Variants in SAMD5 observed in about 807,000 individuals in gnomAD.
The protein encoded by SAMD5 is sterile alpha motif domain-containing protein 5.
SAMD5 carries 13 observed loss-of-function variants against 11.3 expected under a neutral mutation model. The observed-to-expected ratio is 1.15, with a 90% CI of 0.75 to 1.83. The LOEUF (loss-of-function observed/expected upper bound fraction) is 1.83. Ranked by LOEUF, SAMD5 falls within the 40% of genes most tolerant of loss-of-function variation. SAMD5 has a pLI of 0.00. For missense variants in SAMD5, 255 were observed against 239.1 expected (o/e 1.07, Z -0.44); for synonymous variants, 129 against 111.3 (o/e 1.16, Z -1.00).
intron 1 of SAMD5, among the ~76,000 whole-genome samples, chr6:147,563,417 A>G (rs1354300490): frequency 6.6e-6 from 1 of 152,238 alleles, no homozygotes; most frequent in African/African-American, 2.4e-5. Context: ...AAAACAAAGG[A>G]GAACAAAATT....
At chr6:147,654,813 A>G (rs1345484158) in intron 1 of SAMD5, among the ~76,000 whole-genome samples, 1 of 151,810 alleles carries the variant, frequency 6.6e-6, no homozygotes, top group African/African-American at 2.4e-5. Context: ...AGTGCAGGAA[A>G]CCCAAAATAC....
intron 1 of SAMD5, among the ~76,000 whole-genome samples, chr6:147,660,549 TTTGAA>T (rs1268196094): frequency 6.6e-6 from 1 of 152,192 alleles, no homozygotes; most frequent in African/African-American, 2.4e-5. Flanking sequence ...AAAATCTCAT[TTTGAA>T]TTGTAATCCC....
the SAMD5 span, among the ~76,000 whole-genome samples, chr6:147,799,159 A>G: frequency 1.3e-5 from 2 of 149,958 alleles, no homozygotes; most frequent in African/African-American, 4.9e-5. Context: ...GTTTCTTCCT[A>G]GTCTCGATGG....
chr6:147,681,236 A>AT (rs1790936218), intron 1 of SAMD5, among the ~76,000 whole-genome samples: 1 of 152,096 alleles, frequency 6.6e-6, no homozygotes, highest in Non-Finnish European at 1.5e-5. Context: ...AAAAAAATCA[A>AT]TTTTTGTCTC....
chr6:147,516,062 C>T (rs1631864), intron 1 of SAMD5, among the ~76,000 whole-genome samples: 1 of 151,898 alleles, frequency 6.6e-6, no homozygotes, highest in African/African-American at 2.4e-5. Context: ...GATTCTCAGG[C>T]TCATGCAAGT....
At chr6:147,509,420 C>T in intron 1 of SAMD5, 33 bp downstream of exon 1, 1 of 1,492,104 alleles carries the variant, frequency 6.7e-7, no homozygotes, top group South Asian at 1.3e-5. Context: ...GCCCGGGGCG[C>T]GCGGCGGGAG....
At chr6:147,596,903 A>G (rs1446355908) in intron 1 of SAMD5, among the ~76,000 whole-genome samples, 2 of 152,174 alleles carry the variant, frequency 1.3e-5, no homozygotes, top group Admixed American at 1.3e-4. Context: ...ATTTATTCAG[A>G]ACCTTCCCAT....
In SAMD5 at chr6:147,568,363, T is replaced by C; in HGVS notation, c.*3907T>C. 1.0e-6 allele frequency: 1 copy of C among 985,144 alleles called. No homozygotes were observed. The allele number at this position is 985,144 out of a possible 1,614,324, so 61.0% of individuals were successfully genotyped here. On this transcript the variant is annotated 3_prime_UTR_variant, in exon 2 of 2. Coordinates refer to ENST00000367474, the MANE Select transcript of SAMD5 (RefSeq NM_001030060.3). ...GGGGGTTGAAAAATAAAAAAAGAAG[T>C]TAACATAATTAAAATGCTTGGACAA...
chr6:147,610,452 C>A (rs1789766825), intron 1 of SAMD5, among the ~76,000 whole-genome samples: 1 of 152,194 alleles, frequency 6.6e-6, no homozygotes, highest in African/African-American at 2.4e-5. Flanking sequence ...GATTCCAGAG[C>A]AGTCTCTCCC....
chr6:147,589,740 A>G (rs1421471136), intron 1 of SAMD5, among the ~76,000 whole-genome samples: 7 of 152,216 alleles, frequency 4.6e-5, no homozygotes, highest in African/African-American at 1.7e-4. Flanking sequence ...CTTGGCACAT[A>G]AAAAGTGCTT....
At chr6:147,884,859 T>C in the SAMD5 span, among the ~76,000 whole-genome samples, 1 of 152,222 alleles carries the variant, frequency 6.6e-6, no homozygotes, top group Admixed American at 6.5e-5. Flanking sequence ...TCTGGCGCAA[T>C]ATTTGCATTA....
the SAMD5 span, among the ~76,000 whole-genome samples, chr6:147,915,937 T>C: frequency 1.5e-5 from 2 of 129,902 alleles, no homozygotes; most frequent in Non-Finnish European, 3.2e-5. Context: ...GTGTGTGATG[T>C]TCTCCTTCCT....
intron 1 of SAMD5, among the ~76,000 whole-genome samples, chr6:147,671,152 A>G (rs1790788959): frequency 6.6e-6 from 1 of 152,218 alleles, no homozygotes; most frequent in Admixed American, 6.5e-5. Flanking sequence ...GTCAGAACAC[A>G]TATTTATTGA....
At chr6:147,738,877 CA>C (rs1490781751), downstream of SAMD5, among the ~76,000 whole-genome samples, 1 of 152,158 alleles carries the variant, frequency 6.6e-6, no homozygotes, top group Non-Finnish European at 1.5e-5. Context: ...GGAAATAATT[CA>C]AAACCTTTTC....
chr6:147,683,928 A>T (rs1790973914), intron 1 of SAMD5, among the ~76,000 whole-genome samples: 1 of 152,214 alleles, frequency 6.6e-6, no homozygotes, highest in Admixed American at 6.5e-5. Context: ...CATATTTAAA[A>T]CATTATTCTT....
chr6:147,842,966 T>C, the SAMD5 span, among the ~76,000 whole-genome samples: 3 of 152,170 alleles, frequency 2.0e-5, no homozygotes, highest in African/African-American at 7.2e-5. Context: ...TTCAAGTGAT[T>C]CTCCCACCTC....
Position 147,553,007 on chromosome 6 carries a change from G to T in SAMD5, c.460-11387G>T, listed in dbSNP as rs1244550244. On this transcript the variant is annotated intron_variant, in intron 1 of 1. Transcript: ENST00000367474. ...AGTATCTATGCCTCCTTAGGGGTGG[G>T]TTTACATCACTCAGTGATTGAACTA... Among the ~76,000 whole-genome samples the T allele has an allele frequency of 3.3e-4, 50 of 152,268 alleles. 1 individual carries two copies. The highest frequency in any genetic ancestry group is 3.0e-3 in the Admixed American group (46 of 15,304).
At chr6:147,836,531 C>T in the SAMD5 span, among the ~76,000 whole-genome samples, 1 of 152,084 alleles carries the variant, frequency 6.6e-6, no homozygotes, top group Non-Finnish European at 1.5e-5. Context: ...TGCAAAATCA[C>T]CTAATACAAA....
the SAMD5 span, among the ~76,000 whole-genome samples, chr6:147,824,997 T>A: frequency 0.019 from 2,829 of 152,196 alleles, 55 homozygotes; most frequent in Middle Eastern, 0.027. Flanking sequence ...AGTTCTCTTT[T>A]TAAAAACCTA....
Sources: gnomAD v4.1 joint callset for allele counts (sites outside exome capture counted in the v4.1 genomes callset) on GRCh38, gnomAD v4.1.1 for gene constraint, MANE v1.5 for transcripts, NCBI Gene and HGNC (gene_info 2026-07-23, HGNC 2026-07-21) for gene names.